The following XPO5 variants were observed in gnomAD, a reference collection of about 807,000 sequenced individuals.
XPO5 encodes exportin-5.
Under a neutral mutation model 160.6 loss-of-function variants are expected in XPO5, and 46 were observed. That is an observed-to-expected ratio of 0.29 (90% CI 0.23 to 0.37). XPO5 has a LOEUF of 0.37. Ranked by LOEUF, XPO5 falls within the 10% of genes least tolerant of loss-of-function variation. XPO5 has a pLI of 1.00. For synonymous variants in XPO5, 537 were observed against 519.3 expected, an observed-to-expected ratio of 1.03 and a Z score of -0.46; for missense variants, 1,090 against 1,463.9, an observed-to-expected ratio of 0.74 and a Z score of 4.17.
Position 43,532,773 on chromosome 6 carries a change from TACC to T in XPO5, c.2443+1131_2443+1133del, listed in dbSNP as rs373831667. The stretch of plus-strand genomic sequence containing the variant: ...CCCTGCCACTTTCCTTCACAGCAAA[TACC>T]ACAATTATGACTGCACAGTTATTTT... On this transcript the variant is annotated intron_variant, in intron 21 of 31. Transcript: ENST00000265351. Among the ~76,000 whole-genome samples the T allele has an allele frequency of 2.4e-4, 37 of 152,296 alleles. No homozygotes were observed. The South Asian group carries it at 6.8e-3, about 28-fold the overall frequency.
chr6:43,567,831 A>G (rs1297635497), intron 6 of XPO5, among the ~76,000 whole-genome samples: 1 of 151,748 alleles, frequency 6.6e-6, no homozygotes, highest in Non-Finnish European at 1.5e-5. Context: ...CCAGCTACTC[A>G]TGAGGTTGAG....
chr6:43,567,755 T>TA (rs1161783571), intron 6 of XPO5, among the ~76,000 whole-genome samples: 2 of 150,678 alleles, frequency 1.3e-5, no homozygotes, highest in East Asian at 3.9e-4. Context: ...TAAAATAAAA[T>TA]AAAAAAAATA....
chr6:43,573,804 A>T, intron 1 of XPO5, among the ~76,000 whole-genome samples: 1 of 117,170 alleles, frequency 8.5e-6, no homozygotes, highest in African/African-American at 3.2e-5. Flanking sequence ...ATCTCTATTA[A>T]ATATATATAT....
intron 22 of XPO5, 71 bp from the exon 23 acceptor site, chr6:43,530,895 A>G (rs1392804813): frequency 4.0e-6 from 6 of 1,512,762 alleles, no homozygotes; most frequent in Non-Finnish European, 5.3e-6. Context: ...CTGTCCCATG[A>G]ATTTCATTTC....
intron 10 of XPO5, 124 bp downstream of exon 10, chr6:43,560,800 C>T (rs1418037898): frequency 5.0e-5 from 40 of 801,814 alleles, no homozygotes; most frequent in African/African-American, 1.4e-4. Context: ...AATGACACTA[C>T]GGTCATTCCC....
At position 43,557,783 on chromosome 6, in the gene XPO5, TAAAAAAAAAAAA is replaced by T. The variant is rs59661301; in HGVS notation, c.1312+706_1312+717del. On this transcript the variant is annotated intron_variant, in intron 12 of 31. Coordinates refer to ENST00000265351, the MANE Select transcript of XPO5 (RefSeq NM_020750.3). ...AATGAATTTTGTCTCAATAAAGCTGTAAAAAAAAAAAAAAAAAAAAAAAAAAGGAGGCTGGGC... is the reference window on the plus strand; with the variant it reads ...AATGAATTTTGTCTCAATAAAGCTGTAAAAAAAAAAAAAAGGAGGCTGGGC... Among the ~76,000 whole-genome samples the T allele has an allele frequency of 7.4e-3, 646 of 87,250 alleles. 7 individuals carry two copies. The highest frequency in any genetic ancestry group is 0.025 in the African/African-American group (592 of 24,042). The allele number at this position is 87,250 out of a possible 152,430, so 57.2% of individuals were successfully genotyped here.
intron 20 of XPO5, among the ~76,000 whole-genome samples, chr6:43,540,068 C>T (rs762810496): frequency 1.4e-4 from 21 of 152,132 alleles, no homozygotes; most frequent in Non-Finnish European, 2.8e-4. Flanking sequence ...CCAGCCTGGC[C>T]AACATGATGA....
chr6:43,574,109 C>T (rs1215645014), intron 1 of XPO5, among the ~76,000 whole-genome samples: 6 of 151,752 alleles, frequency 4.0e-5, no homozygotes, highest in Non-Finnish European at 8.8e-5. Flanking sequence ...GGATTACAGG[C>T]GTGAGCCACT....
rs751500353 is a variant in XPO5, at chr6:43,528,858, G to C, written c.2745C>G (p.Ile915Met). The change falls in exon 24 of 32, where the codon ATC (isoleucine) becomes ATG (methionine). Residue 915 changes from isoleucine (I) to methionine (M), a missense_variant. Ile to Met is a conservative substitution (Grantham distance 10, BLOSUM62 1). Coordinates refer to ENST00000265351, the MANE Select transcript of XPO5 (RefSeq NM_020750.3). Reference protein sequence around the residue: ...PEHYEALVSPILGPLFTYLHM... With the variant: ...PEHYEALVSPMLGPLFTYLHM... ...GGAGGTAGGTGAAAAGAGGTCCGAGGATGGGGGATACCAGGGCTTCATAGT... is the reference window on the plus strand; with the variant it reads ...GGAGGTAGGTGAAAAGAGGTCCGAGCATGGGGGATACCAGGGCTTCATAGT... 6 of 1,613,832 alleles carry C rather than the reference G, an allele frequency of 3.7e-6. No individual in the cohort carries two copies. Among genetic ancestry groups the C allele is most frequent in the Non-Finnish European group, 4.2e-6 (5 of 1,179,882 alleles).
At chr6:43,551,957 G>A (rs1256595266) in intron 14 of XPO5, among the ~76,000 whole-genome samples, 2 of 152,082 alleles carry the variant, frequency 1.3e-5, no homozygotes, top group Admixed American at 6.5e-5. Flanking sequence ...GTGAACCACC[G>A]TACTCAGCTG....
rs9333497 is a variant in XPO5 at position 43,575,650 on chromosome 6, G to A, written c.105+110C>T. On this transcript the variant is annotated intron_variant, in intron 1 of 31. Coordinates refer to ENST00000265351, the MANE Select transcript of XPO5 (RefSeq NM_020750.3). The stretch of plus-strand genomic sequence containing the variant: ...AAGGTCCCGGGGAGTTGGGAAAGGA[G>A]GTCCAGGGGCCGCGTGGGCGGGAGA... 3.2e-4 allele frequency: 310 copies of A among 972,974 alleles called. 5 individuals are homozygous for A. In the South Asian group the frequency reaches 4.5e-3, roughly 14 times the overall value. 60.3% of individuals were successfully genotyped at this position (972,974 alleles called of 1,614,324 possible). A position where few individuals can be genotyped will look rare whatever the true frequency, so the allele number is the denominator to read the frequency against.
At chr6:43,546,538 AAAC>A in intron 20 of XPO5, 30 bp downstream of exon 20, 2 of 1,576,476 alleles carry the variant, frequency 1.3e-6, no homozygotes, top group Non-Finnish European at 1.7e-6. Flanking sequence ...GTAAAGTAGA[AAAC>A]AACAGAGAAA....
chr6:43,573,135 G>A (rs953280475), intron 2 of XPO5, among the ~76,000 whole-genome samples: 6 of 152,190 alleles, frequency 3.9e-5, no homozygotes, highest in South Asian at 2.1e-4. Flanking sequence ...GAAAGCCACA[G>A]TGCCTAATCA....
Position 43,522,438 on chromosome 6 carries a change from A to G in XPO5, c.*1430T>C, listed in dbSNP as rs1159099855. ...AATAGAAAATTTCTAGCATGAAGTC[A>G]CAGGATGTTAAAAATATTACAATGC... On this transcript the variant is annotated 3_prime_UTR_variant, in exon 32 of 32. Coordinates refer to ENST00000265351, the MANE Select transcript of XPO5 (RefSeq NM_020750.3). 1.9e-5 allele frequency: 3 copies of G among 159,572 alleles called. No homozygotes were observed. The highest frequency in any genetic ancestry group is 3.6e-4 in the East Asian group (2 of 5,488). The allele number at this position is 159,572 out of a possible 1,614,324, so 9.9% of individuals were successfully genotyped here. A position where few individuals can be genotyped will look rare whatever the true frequency, so the allele number is the denominator to read the frequency against.
intron 5 of XPO5, 48 bp downstream of exon 5, chr6:43,570,454 A>C (rs1762957500): frequency 1.9e-6 from 3 of 1,543,522 alleles, no homozygotes; most frequent in South Asian, 2.5e-5. Flanking sequence ...TTAATCAAAA[A>C]CACTCATATT....
intron 22 of XPO5, among the ~76,000 whole-genome samples, chr6:43,531,072 T>A (rs572637335): frequency 6.6e-6 from 1 of 152,326 alleles, no homozygotes; most frequent in African/African-American, 2.4e-5. Flanking sequence ...CTTGGCTGAT[T>A]AGTGTAGTGG....
chr6:43,566,223 T>C (rs1426891002), intron 7 of XPO5, among the ~76,000 whole-genome samples: 1 of 151,964 alleles, frequency 6.6e-6, no homozygotes, highest in African/African-American at 2.4e-5. Context: ...TGAAACCCCA[T>C]CTCTACTAAA....
At chr6:43,559,584 T>A (rs887991097) in intron 11 of XPO5, among the ~76,000 whole-genome samples, 11 of 152,202 alleles carry the variant, frequency 7.2e-5, no homozygotes, top group African/African-American at 2.7e-4. Context: ...TCAACCCTCC[T>A]ATGTACTTCC....
intron 20 of XPO5, among the ~76,000 whole-genome samples, chr6:43,544,521 C>T (rs1483108760): frequency 1.3e-5 from 2 of 152,334 alleles, no homozygotes; most frequent in South Asian, 2.1e-4. Context: ...GGGTTGGCCA[C>T]ATAGATTCTG....
Sources: allele counts gnomAD v4.1 joint callset (sites outside exome capture counted in the v4.1 genomes callset), GRCh38; gene constraint gnomAD v4.1.1; transcripts MANE v1.5; gene names NCBI Gene and HGNC (gene_info 2026-07-23, HGNC 2026-07-21).